SLC22A4: variants seen among roughly 807,000 people sequenced by gnomAD.
SLC22A4 encodes the protein solute carrier family 22 member 4, also known as ET transporter.
A neutral mutation model predicts 56.6 loss-of-function variants in SLC22A4; 39 were observed. That is an observed-to-expected ratio of 0.69 (90% CI 0.53 to 0.90). SLC22A4 has a LOEUF of 0.90. SLC22A4 is among the 40% of genes least tolerant of loss of function. The probability of loss-of-function intolerance (pLI) is 0.00; values close to 1 mark genes in which losing one functional copy is unlikely to be tolerated. For synonymous variants in SLC22A4, 241 were observed against 281.4 expected, an observed-to-expected ratio of 0.86 and a Z score of 1.44; for missense variants, 594 against 696.5, an observed-to-expected ratio of 0.85 and a Z score of 1.66.
intron 3 of SLC22A4, among the ~76,000 whole-genome samples, chr5:132,314,206 A>G (rs2126713249): frequency 6.6e-6 from 1 of 152,276 alleles, no homozygotes; most frequent in East Asian, 1.9e-4. Context: ...CATGTCAGAC[A>G]GGGGGAGTTC....
intron 3 of SLC22A4, among the ~76,000 whole-genome samples, chr5:132,315,555 C>T (rs572861364): frequency 6.6e-6 from 1 of 152,304 alleles, no homozygotes; most frequent in East Asian, 1.9e-4. Flanking sequence ...CCTCCCCCGC[C>T]GGCTCTGACA....
rs201871083 is a variant in SLC22A4 at position 132,322,952 on chromosome 5, GT to G, written c.824+598del. On this transcript the variant is annotated intron_variant, in intron 4 of 9. Coordinates refer to ENST00000200652, the MANE Select transcript of SLC22A4 (RefSeq NM_003059.3). ...ACAAAGTTTGAAGATTCTGGCCTCA[GT>G]CTTGCCCAATATGACTATCTGGGGG... Among the ~76,000 whole-genome samples, 127 of 152,324 alleles carry G rather than the reference GT, an allele frequency of 8.3e-4. 2 individuals carry two copies. In the East Asian group the frequency reaches 0.019, roughly 23 times the overall value.
At chr5:132,322,382 C>G (rs1427463738) in intron 4 of SLC22A4, 27 bp downstream of exon 4, 2 of 1,609,360 alleles carry the variant, frequency 1.2e-6, no homozygotes, top group Non-Finnish European at 1.7e-6. Flanking sequence ...CCCAGACAGG[C>G]CCTCTGCTGC....
At chr5:132,339,372 T>A (rs931223357) in intron 8 of SLC22A4, among the ~76,000 whole-genome samples, 6 of 152,048 alleles carry the variant, frequency 3.9e-5, no homozygotes, top group Non-Finnish European at 7.4e-5. Context: ...CAATCTGATG[T>A]AGGATCTGAC....
chr5:132,334,611 G>T, intron 6 of SLC22A4, 107 bp from the exon 7 acceptor site: 1 of 804,220 alleles, frequency 1.2e-6, no homozygotes, highest in South Asian at 1.3e-5. Flanking sequence ...AGCCAATGAG[G>T]GTAGTGGCTA....
intron 1 of SLC22A4, among the ~76,000 whole-genome samples, chr5:132,301,838 C>T (rs1344089878): frequency 2.0e-5 from 3 of 152,010 alleles, no homozygotes; most frequent in Non-Finnish European, 2.9e-5. Flanking sequence ...TCTATCAGGC[C>T]TGCAGGCTGC....
rs3914018 is a variant in SLC22A4 at position 132,301,588 on chromosome 5, T to C, written c.393+6579T>C. Among the ~76,000 whole-genome samples the C allele has an allele frequency of 8.5e-3, 1,293 of 152,286 alleles. 5 individuals carry two copies. The highest frequency in any genetic ancestry group is 0.024 in the Middle Eastern group (7 of 294). On this transcript the variant is annotated intron_variant, in intron 1 of 9. Transcript: ENST00000200652. ...GTAGGACTTACTGATTCCCCACCCA[T>C]AACCCAGAGGCGAGCCAGGTTATGT... is the stretch of plus-strand genomic sequence containing the variant.
At chr5:132,295,468 G>A (rs762236405) in intron 1 of SLC22A4, 3 of 368,196 alleles carry the variant, frequency 8.1e-6, no homozygotes, top group Middle Eastern at 8.7e-4. Context: ...GTGTACTGCC[G>A]TACCATATAC....
intron 5 of SLC22A4, among the ~76,000 whole-genome samples, chr5:132,329,076 C>T (rs1305519451): frequency 6.6e-6 from 1 of 151,888 alleles, no homozygotes; most frequent in Non-Finnish European, 1.5e-5. Flanking sequence ...GCTGGGACTA[C>T]AGGCACTTGC....
intron 5 of SLC22A4, among the ~76,000 whole-genome samples, chr5:132,329,424 T>C (rs963945201): frequency 3.3e-5 from 5 of 151,512 alleles, no homozygotes; most frequent in Non-Finnish European, 7.4e-5. Flanking sequence ...TAGAATGATA[T>C]TGAAGAGCCT....
At chr5:132,325,866 GC>G (rs1750673306) in intron 4 of SLC22A4, among the ~76,000 whole-genome samples, 1 of 152,096 alleles carries the variant, frequency 6.6e-6, no homozygotes, top group Non-Finnish European at 1.5e-5. Flanking sequence ...CATAAGACAC[GC>G]CCACCCGTGT....
chr5:132,319,309 AAAAAAAAAAG>A (rs563072509), intron 3 of SLC22A4, among the ~76,000 whole-genome samples: 3,114 of 151,556 alleles, frequency 0.021, 106 homozygotes, highest in African/African-American at 0.073. Flanking sequence ...CTCAAAAAAA[AAAAAAAAAAG>A]AAAAAAAAGA....
chr5:132,328,391 C>T (rs1750740050), intron 5 of SLC22A4, among the ~76,000 whole-genome samples: 1 of 152,084 alleles, frequency 6.6e-6, no homozygotes, highest in Admixed American at 6.6e-5. Flanking sequence ...CACTGCTCAC[C>T]CCCACGGCTT....
chr5:132,341,125 T>A (rs970538541), intron 9 of SLC22A4, among the ~76,000 whole-genome samples: 10 of 140,924 alleles, frequency 7.1e-5, no homozygotes, highest in East Asian at 6.5e-4. Context: ...TCAAAAAAAA[T>A]AAATAAATAA....
intron 9 of SLC22A4, among the ~76,000 whole-genome samples, chr5:132,342,123 C>T (rs973435757): frequency 9.2e-5 from 14 of 152,100 alleles, no homozygotes; most frequent in African/African-American, 3.4e-4. Flanking sequence ...TCTGATTGTA[C>T]ATTTTTTAAA....
At position 132,323,346 on chromosome 5, in the gene SLC22A4, T is replaced by C. The variant is rs180715211; in HGVS notation, c.824+991T>C. 5.9e-5 allele frequency among the ~76,000 whole-genome samples: 9 copies of C among 152,332 alleles called. No individual in the cohort carries two copies. In the East Asian group the frequency reaches 1.5e-3, roughly 26 times the overall value. On this transcript the variant is annotated intron_variant, in intron 4 of 9. Coordinates refer to ENST00000200652, the MANE Select transcript of SLC22A4 (RefSeq NM_003059.3). ...GACTGGGAAGCTGTCTAGGCCTTTATCTTACTGCAGCTGTTAGGCAGTCAT... is the reference window on the plus strand; with the variant it reads ...GACTGGGAAGCTGTCTAGGCCTTTACCTTACTGCAGCTGTTAGGCAGTCAT...
At chr5:132,325,051 C>T (rs1052326929) in intron 4 of SLC22A4, among the ~76,000 whole-genome samples, 3 of 151,856 alleles carry the variant, frequency 2.0e-5, no homozygotes, top group African/African-American at 7.3e-5. Context: ...TGTGTATAGG[C>T]GGTGGGGATG....
chr5:132,338,541 C>A (rs950881456), intron 8 of SLC22A4, among the ~76,000 whole-genome samples: 4 of 152,152 alleles, frequency 2.6e-5, no homozygotes, highest in Admixed American at 6.6e-5. Flanking sequence ...CTACGGGAGA[C>A]TGGGGCTTAT....
At chr5:132,337,448 T>G (rs1751060692) in intron 8 of SLC22A4, among the ~76,000 whole-genome samples, 1 of 151,708 alleles carries the variant, frequency 6.6e-6, no homozygotes, top group Non-Finnish European at 1.5e-5. Context: ...CTAATTTTTT[T>G]TTTTTTCTGG....
Sources: gnomAD v4.1 joint callset for allele counts (sites outside exome capture counted in the v4.1 genomes callset) on GRCh38, gnomAD v4.1.1 for gene constraint, MANE v1.5 for transcripts, NCBI Gene and HGNC (gene_info 2026-07-23, HGNC 2026-07-21) for gene names.